Variants in TDRD7 observed in about 807,000 individuals in gnomAD.
The protein encoded by TDRD7 is tudor domain-containing protein 7.
A neutral mutation model predicts 109.8 loss-of-function variants in TDRD7; 47 were observed. That is an observed-to-expected ratio of 0.43 (90% CI 0.34 to 0.55). TDRD7 has a LOEUF of 0.55. Ranked by LOEUF, TDRD7 falls within the 20% of genes least tolerant of loss-of-function variation. The pLI, the probability that TDRD7 is intolerant of heterozygous loss-of-function variation, is 0.03. For synonymous variants in TDRD7, 424 were observed against 457.3 expected (o/e 0.93, Z 0.93); for missense variants, 1,164 against 1,319.2 (o/e 0.88, Z 1.82).
At chr9:97,459,141 TAA>T (rs990383223) in intron 6 of TDRD7, among the ~76,000 whole-genome samples, 1 of 152,190 alleles carries the variant, frequency 6.6e-6, no homozygotes, top group African/African-American at 2.4e-5. Flanking sequence ...ACTGCTTTTG[TAA>T]AGGTCCATGG....
At chr9:97,433,173 C>G (rs886646580) in intron 4 of TDRD7, among the ~76,000 whole-genome samples, 3 of 151,902 alleles carry the variant, frequency 2.0e-5, no homozygotes, top group Non-Finnish European at 4.4e-5. Context: ...GATAATTTCC[C>G]CCCAGGAACT....
intron 6 of TDRD7, among the ~76,000 whole-genome samples, chr9:97,453,160 T>C (rs1194285156): frequency 6.6e-6 from 1 of 152,160 alleles, no homozygotes; most frequent in African/African-American, 2.4e-5. Context: ...CTGAAAGTAG[T>C]TTCTACCACC....
intron 6 of TDRD7, among the ~76,000 whole-genome samples, chr9:97,451,884 C>T (rs1003270884): frequency 1.3e-5 from 2 of 152,224 alleles, no homozygotes; most frequent in African/African-American, 2.4e-5. Context: ...GAGACCCCCC[C>T]ACCCATTTGG....
At chr9:97,413,754 G>A (rs373832417) in intron 1 of TDRD7, among the ~76,000 whole-genome samples, 1 of 152,170 alleles carries the variant, frequency 6.6e-6, no homozygotes, top group South Asian at 2.1e-4. Context: ...CACAGCCTCC[G>A]TCTTTGGTAG....
chr9:97,481,250 G>C (rs2131175425), intron 14 of TDRD7, among the ~76,000 whole-genome samples: 1 of 152,338 alleles, frequency 6.6e-6, no homozygotes, highest in African/African-American at 2.4e-5. Context: ...GTCCCCAACA[G>C]AGGGACCACA....
In TDRD7 at chr9:97,472,344, T is replaced by C. The variant is rs759186070; in HGVS notation, c.1793T>C (p.Leu598Ser). 1 of 1,614,012 alleles carries C rather than the reference T, an allele frequency of 6.2e-7. No homozygotes were observed. Among genetic ancestry groups the C allele is most frequent in the South Asian group, 1.1e-5 (1 of 91,082 alleles). The change falls in exon 10 of 17, where the codon TTA (leucine) becomes TCA (serine). Residue 598 changes from leucine (L) to serine (S), a missense_variant. This residue lies in a region of TDRD7 where 261 missense variants were observed against 336.2 expected (regional missense o/e 0.78). Coordinates refer to ENST00000355295, the MANE Select transcript of TDRD7 (RefSeq NM_014290.3). ...DPDLVKVVESLTCGKIFAVEI... is the reference protein window; with the variant it reads ...DPDLVKVVESSTCGKIFAVEI... ...GATCTAGTGAAGGTGGTTGAATCTT[T>C]AACTTGTGGAAAGATCTTTGCAGTG...
In TDRD7 at chr9:97,483,128, A is replaced by C. The variant is rs1379819279; in HGVS notation, c.2692A>C (p.Thr898Pro). ...GGTGGACCATACGAGCGCTTTCTCC[A>C]CAGAGGAACTGCCACCTCCTGTCCA... The part of the protein sequence containing the change: ...SMVDHTSAFS[T>P]EELPPPVHLS... The change falls in exon 15 of 17, where the codon ACA becomes CCA. Residue 898 changes from threonine (T) to proline (P), a missense_variant. Physicochemically the swap from Thr to Pro is conservative, Grantham distance 38. This residue lies in a region of TDRD7 where 233 missense variants were observed against 218.0 expected (regional missense o/e 1.07). Transcript: ENST00000355295. The C allele has an allele frequency of 6.2e-7, 1 of 1,614,168 alleles. No homozygotes were observed. Among genetic ancestry groups the C allele is most frequent in the East Asian group, 2.2e-5 (1 of 44,874 alleles).
intron 6 of TDRD7, among the ~76,000 whole-genome samples, chr9:97,455,363 A>G (rs1828585641): frequency 6.6e-6 from 1 of 152,186 alleles, no homozygotes; most frequent in Admixed American, 6.5e-5. Flanking sequence ...CTGGGAAGAG[A>G]TGCACAACAA....
At position 97,482,937 on chromosome 9, in the gene TDRD7, G is replaced by T. The variant is rs150379400; in HGVS notation, c.2501G>T (p.Arg834Leu). 1.2e-5 allele frequency: 19 copies of T among 1,613,926 alleles called. No homozygotes were observed. Among genetic ancestry groups the T allele is most frequent in the Middle Eastern group, 1.6e-4 (1 of 6,084 alleles). The change falls in exon 15 of 17, where the codon CGC becomes CTC. Residue 834 changes from arginine (R) to leucine (L), a missense_variant. Transcript: ENST00000355295. ...NFPDPHRSIN[R>L]QITNADLWKH... is the part of the protein sequence containing the mutation. Reference sequence around the variant, plus strand: ...CCTGACCCTCATCGCAGTATTAATCGCCAGATTACAAATGCAGACTTGTGG... The same window carrying T: ...CCTGACCCTCATCGCAGTATTAATCTCCAGATTACAAATGCAGACTTGTGG...
In TDRD7 at chr9:97,460,668, T is replaced by G; in HGVS notation, c.1346T>G (p.Met449Arg). The G allele has an allele frequency of 6.2e-7, 1 of 1,614,148 alleles. No individual in the cohort carries two copies. The highest frequency in any genetic ancestry group is 1.1e-5 in the South Asian group (1 of 91,086). Residue 449 changes from methionine to arginine, a missense_variant, in exon 7 of 17, where the codon ATG becomes AGG. Met to Arg is a moderately conservative substitution (Grantham distance 91). Transcript: ENST00000355295. ...ESIAESANTF[M>R]EDITVPPLMI... ...ATTGCTGAAAGTGCTAATACCTTTA[T>G]GGAGGACATAACAGTTCCTCCTTTA...
chr9:97,474,869 G>A (rs1246626399), intron 11 of TDRD7, among the ~76,000 whole-genome samples: 1 of 152,208 alleles, frequency 6.6e-6, no homozygotes, highest in Non-Finnish European at 1.5e-5. Flanking sequence ...AGAGGAAGAT[G>A]AGGAGACTTC....
intron 4 of TDRD7, among the ~76,000 whole-genome samples, chr9:97,433,538 AG>A (rs1587863678): frequency 6.6e-6 from 1 of 152,098 alleles, no homozygotes; most frequent in East Asian, 1.9e-4. Context: ...CAAGCTAAAA[AG>A]CTTCTGCACC....
intron 11 of TDRD7, among the ~76,000 whole-genome samples, chr9:97,474,693 C>T (rs1828983389): frequency 6.6e-6 from 1 of 152,166 alleles, no homozygotes; most frequent in East Asian, 1.9e-4. Flanking sequence ...TCTAGTGACT[C>T]ATTTGTATGG....
chr9:97,436,470 T>C (rs1828200350), intron 4 of TDRD7, among the ~76,000 whole-genome samples: 2 of 152,166 alleles, frequency 1.3e-5, no homozygotes. Flanking sequence ...ATAAAAGTGG[T>C]TTATAAATTA....
chr9:97,487,204 C>T lies in TDRD7; in HGVS notation c.2948C>T (p.Thr983Ile). ...AGGGTGCTTTTAAAAGGAATCCTGACCAATGGACTGGTATCTGTGTATGAG... is the reference window on the plus strand; with the variant it reads ...AGGGTGCTTTTAAAAGGAATCCTGATCAATGGACTGGTATCTGTGTATGAG... ...WHRVLLKGIL[T>I]NGLVSVYELD... Residue 983 changes from threonine to isoleucine, a missense_variant, in exon 16 of 17, where the codon ACC becomes ATC. Physicochemically the swap from Thr to Ile is moderately conservative, Grantham distance 89. Coordinates refer to ENST00000355295, the MANE Select transcript of TDRD7 (RefSeq NM_014290.3). 6.2e-7 allele frequency: 1 copy of T among 1,613,944 alleles called. No individual in the cohort carries two copies. The highest frequency in any genetic ancestry group is 8.5e-7 in the Non-Finnish European group (1 of 1,179,898).
chr9:97,476,009 G>A (rs1829011864), intron 12 of TDRD7, among the ~76,000 whole-genome samples: 1 of 152,108 alleles, frequency 6.6e-6, no homozygotes, highest in African/African-American at 2.4e-5. Context: ...TCTTCCTGAT[G>A]ATGGATATTT....
chr9:97,465,601 C>T (rs1487765592), intron 8 of TDRD7, among the ~76,000 whole-genome samples: 1 of 152,172 alleles, frequency 6.6e-6, no homozygotes, highest in Non-Finnish European at 1.5e-5. Flanking sequence ...ATGCAGAGAC[C>T]AAGAAGCACA....
chr9:97,473,346 A>G, intron 10 of TDRD7, 146 bp from the exon 11 acceptor site: 1 of 1,072,710 alleles, frequency 9.3e-7, no homozygotes, highest in Non-Finnish European at 1.4e-6. Context: ...TTAAGCTATA[A>G]ATTGCATTTC....
intron 6 of TDRD7, among the ~76,000 whole-genome samples, chr9:97,450,424 T>C (rs547271527): frequency 6.6e-6 from 1 of 152,206 alleles, no homozygotes; most frequent in East Asian, 1.9e-4. Context: ...AAGTTCCCTT[T>C]TGAGAGATCT....
Sources: allele counts gnomAD v4.1 joint callset (sites outside exome capture counted in the v4.1 genomes callset), GRCh38; gene constraint gnomAD v4.1.1; regional missense constraint gnomAD v4.1.1; transcripts MANE v1.5; gene names NCBI Gene and HGNC (gene_info 2026-07-23, HGNC 2026-07-21).